IMMP1L: variants seen among roughly 807,000 people sequenced by gnomAD.
The protein encoded by IMMP1L is inner mitochondrial membrane peptidase subunit 1, also known as mitochondrial inner membrane protease subunit 1.
Under a neutral mutation model 21.8 loss-of-function variants are expected in IMMP1L, and 24 were observed. The observed-to-expected ratio is 1.10, with a 90% CI of 0.80 to 1.55. The LOEUF is 1.55. Ranked by LOEUF, IMMP1L falls within the 40% of genes most tolerant of loss-of-function variation. IMMP1L has a pLI of 0.00. For synonymous variants in IMMP1L, 46 were observed against 62.8 expected (o/e 0.73, Z 1.26); for missense variants, 195 against 200.7 (o/e 0.97, Z 0.17).
intron 1 of IMMP1L, among the ~76,000 whole-genome samples, chr11:31,483,084 T>C (rs1486931146): frequency 2.0e-5 from 3 of 152,036 alleles, no homozygotes; most frequent in Non-Finnish European, 4.4e-5. Context: ...TAATTTTCTA[T>C]ATATAATACA....
At position 31,456,258 on chromosome 11, in the gene IMMP1L, A is replaced by C; in HGVS notation, c.321+2T>G. The C allele has an allele frequency of 6.3e-7, 1 of 1,583,146 alleles. No individual in the cohort carries two copies. Among genetic ancestry groups the C allele is most frequent in the East Asian group, 2.2e-5 (1 of 44,488 alleles). On this transcript the variant is annotated splice_donor_variant, in intron 4 of 5. Coordinates refer to ENST00000532287, the MANE Select transcript of IMMP1L (RefSeq NM_001304274.2). LOFTEE classifies it high-confidence loss of function. ...AAATAACATAATTGAAATGTTACTTACATAACTATGGCTTTTAAAGAAATC... is the reference window on the plus strand; with the variant it reads ...AAATAACATAATTGAAATGTTACTTCCATAACTATGGCTTTTAAAGAAATC...
intron 1 of IMMP1L, among the ~76,000 whole-genome samples, chr11:31,507,782 A>G (rs961874984): frequency 2.3e-4 from 35 of 152,174 alleles, no homozygotes; most frequent in Non-Finnish European, 7.4e-5. Context: ...TATAGTTAAT[A>G]ATCATATATT....
intron 1 of IMMP1L, among the ~76,000 whole-genome samples, chr11:31,497,503 C>T (rs1365990381): frequency 1.3e-5 from 2 of 149,318 alleles, no homozygotes; most frequent in African/African-American, 4.9e-5. Context: ...CGCTCTGTCG[C>T]CAGACTGGAG....
chr11:31,487,474 C>T (rs1348984302), intron 1 of IMMP1L, among the ~76,000 whole-genome samples: 3 of 152,230 alleles, frequency 2.0e-5, no homozygotes, highest in African/African-American at 2.4e-5. Flanking sequence ...GACTTTCACA[C>T]ATTTTAAAAT....
At chr11:31,489,527 T>G (rs1955188357) in intron 1 of IMMP1L, among the ~76,000 whole-genome samples, 1 of 152,210 alleles carries the variant, frequency 6.6e-6, no homozygotes, top group Admixed American at 6.5e-5. Context: ...AGAGAAACTC[T>G]GATATATTAA....
chr11:31,451,235 G>T (rs1209561664), intron 4 of IMMP1L, among the ~76,000 whole-genome samples: 2 of 152,112 alleles, frequency 1.3e-5, no homozygotes, highest in African/African-American at 4.8e-5. Flanking sequence ...AAGCAGAAGA[G>T]TGACATAATT....
chr11:31,489,248 CG>C (rs1955179879), intron 1 of IMMP1L, among the ~76,000 whole-genome samples: 1 of 151,978 alleles, frequency 6.6e-6, no homozygotes, highest in African/African-American at 2.4e-5. Context: ...TGTGAGTTTG[CG>C]TGTGACTTTT....
intron 4 of IMMP1L, among the ~76,000 whole-genome samples, chr11:31,438,637 T>C (rs1204822219): frequency 6.6e-6 from 1 of 152,190 alleles, no homozygotes; most frequent in Admixed American, 6.5e-5. Context: ...AGCTTTAGCT[T>C]TGATTAGGTA....
At chr11:31,473,808 C>A (rs944277399) in intron 1 of IMMP1L, 3 of 966,286 alleles carry the variant, frequency 3.1e-6, no homozygotes, top group Admixed American at 1.2e-4. Flanking sequence ...GAAAGCATTT[C>A]GTTTCAGAAA....
intron 3 of IMMP1L, among the ~76,000 whole-genome samples, chr11:31,460,168 T>C (rs1007950140): frequency 6.6e-6 from 1 of 151,574 alleles, no homozygotes; most frequent in Non-Finnish European, 1.5e-5. Context: ...AAAATGTATA[T>C]CAGAAAATTT....
intron 4 of IMMP1L, among the ~76,000 whole-genome samples, chr11:31,454,067 T>G (rs570509385): frequency 1.3e-5 from 2 of 152,270 alleles, no homozygotes; most frequent in South Asian, 4.1e-4. Flanking sequence ...GATAATTAAA[T>G]AAGTTAACCT....
chr11:31,446,568 AT>A (rs989617622), intron 4 of IMMP1L, among the ~76,000 whole-genome samples: 2 of 152,058 alleles, frequency 1.3e-5, no homozygotes, highest in Non-Finnish European at 2.9e-5. Context: ...TATACCTTTC[AT>A]TTTTATCTCT....
intron 2 of IMMP1L, among the ~76,000 whole-genome samples, chr11:31,460,941 T>A (rs554238295): frequency 1.8e-4 from 28 of 152,284 alleles, no homozygotes; most frequent in Admixed American, 1.6e-3. Context: ...CACATTATAA[T>A]GCCTGAATAA....
At position 31,433,489 on chromosome 11, in the gene IMMP1L, C is replaced by G; in HGVS notation, c.403G>C (p.Gly135Arg). ...DSRCYGPIPY[G>R]LIRGRIFFKI... Reference sequence around the variant, plus strand: ...AAGAAGATTCGTCCTCTTATTAGTCCATATGGAATAGGTCCATAGCACCTG... The same window carrying G: ...AAGAAGATTCGTCCTCTTATTAGTCGATATGGAATAGGTCCATAGCACCTG... Residue 135 changes from glycine to arginine, a missense_variant, in exon 5 of 6, where the codon GGA becomes CGA. Physicochemically the swap from Gly to Arg is moderately radical, Grantham distance 125. Transcript: ENST00000532287. 6.2e-7 allele frequency: 1 copy of G among 1,600,790 alleles called. No homozygotes were observed. The highest frequency in any genetic ancestry group is 8.5e-7 in the Non-Finnish European group (1 of 1,171,308).
chr11:31,452,673 C>T (rs572494117), intron 4 of IMMP1L: 2 of 989,566 alleles, frequency 2.0e-6, no homozygotes, highest in African/African-American at 3.5e-5. Flanking sequence ...GTAGCCAATG[C>T]TCAGTTCATA....
Position 31,463,251 on chromosome 11 carries a change from G to GT in IMMP1L, c.25dup (p.Thr9AsnfsTer20). 1 of 1,612,564 alleles carries GT rather than the reference G, an allele frequency of 6.2e-7. No homozygotes were observed. Among genetic ancestry groups the GT allele is most frequent in the Non-Finnish European group, 8.5e-7 (1 of 1,179,312 alleles). On this transcript the variant is annotated frameshift_variant, in exon 2 of 6. Coordinates refer to ENST00000532287, the MANE Select transcript of IMMP1L (RefSeq NM_001304274.2). LOFTEE classifies it high-confidence loss of function. ...AATAGTATAGCCAACAAGTCGAAAG[G>GT]TTTTCCCCAGAACACCACGAAGCAT...
intron 1 of IMMP1L, among the ~76,000 whole-genome samples, chr11:31,477,979 C>T (rs1335560169): frequency 6.6e-6 from 1 of 152,214 alleles, no homozygotes; most frequent in Non-Finnish European, 1.5e-5. Context: ...TGCTGTCTAT[C>T]TCTGCTAGTA....
At chr11:31,470,647 TC>T (rs2133703997) in intron 1 of IMMP1L, among the ~76,000 whole-genome samples, 1 of 152,224 alleles carries the variant, frequency 6.6e-6, no homozygotes, top group South Asian at 2.1e-4. Flanking sequence ...AGAAAGGAAA[TC>T]AGTATGTTGA....
In IMMP1L at chr11:31,460,627, T is replaced by C; in HGVS notation, c.193A>G (p.Arg65Gly). Reference sequence around the variant, plus strand: ...AATATATCCATGACAGAAATTTACCTTTGGATACCATAAAAATGTCGACTA... The same window carrying C: ...AATATATCCATGACAGAAATTTACCCTTGGATACCATAAAAATGTCGACTA... ...NLSRHFYGIQ[R>G]GDIVIAKSPS... The change falls in exon 3 of 6, where the codon AGA becomes GGA. Residue 65 changes from arginine to glycine, a missense_variant and splice_region_variant. Physicochemically the swap from Arg to Gly is moderately radical, Grantham distance 125. Transcript: ENST00000532287. The C allele has an allele frequency of 6.3e-7, 1 of 1,584,666 alleles. No individual in the cohort carries two copies. Among genetic ancestry groups the C allele is most frequent in the Non-Finnish European group, 8.7e-7 (1 of 1,153,856 alleles).
Sources: gnomAD v4.1 joint callset for allele counts (sites outside exome capture counted in the v4.1 genomes callset) on GRCh38, gnomAD v4.1.1 for gene constraint, MANE v1.5 for transcripts, NCBI Gene and HGNC (gene_info 2026-07-23, HGNC 2026-07-21) for gene names.